Variants in RIT2 observed in about 807,000 individuals in gnomAD.
The protein encoded by RIT2 is GTP-binding protein Rit2.
In RIT2, 24 loss-of-function variants were observed where a neutral mutation model predicts 23.7. The observed-to-expected ratio is 1.01, with a 90% CI of 0.73 to 1.43. The LOEUF (loss-of-function observed/expected upper bound fraction) is 1.43, where lower values mean the gene tolerates loss of function less well. RIT2 is among the 40% of genes most tolerant of loss of function. RIT2 has a pLI of 0.00. For missense variants in RIT2, 236 were observed against 266.9 expected (o/e 0.88, Z 0.81); for synonymous variants, 107 against 91.1 (o/e 1.17, Z -0.99).
intron 3 of RIT2, among the ~76,000 whole-genome samples, chr18:42,941,513 A>G (rs1417998106): frequency 6.6e-6 from 1 of 152,182 alleles, no homozygotes; most frequent in East Asian, 1.9e-4. Flanking sequence ...CAAGGTTAAT[A>G]AATTCCTTAA....
At chr18:42,755,585 C>T (rs1316320142) in intron 4 of RIT2, among the ~76,000 whole-genome samples, 1 of 152,070 alleles carries the variant, frequency 6.6e-6, no homozygotes, top group Non-Finnish European at 1.5e-5. Flanking sequence ...CACTAATTTG[C>T]CTATATGTAT....
intron 4 of RIT2, among the ~76,000 whole-genome samples, chr18:42,914,028 T>C (rs1199562731): frequency 6.6e-6 from 1 of 152,016 alleles, no homozygotes; most frequent in Non-Finnish European, 1.5e-5. Flanking sequence ...CATGTACAGA[T>C]CCTTAACTGT....
At chr18:42,766,231 A>G (rs542546573) in intron 4 of RIT2, among the ~76,000 whole-genome samples, 3 of 152,338 alleles carry the variant, frequency 2.0e-5, no homozygotes, top group East Asian at 3.9e-4. Context: ...AATGTGGGAA[A>G]GTTTGGAACT....
At chr18:43,047,678 A>G (rs535418656) in intron 1 of RIT2, among the ~76,000 whole-genome samples, 2 of 152,182 alleles carry the variant, frequency 1.3e-5, no homozygotes, top group Non-Finnish European at 2.9e-5. Flanking sequence ...AAATGTGAAG[A>G]AAAAGGAAGA....
At chr18:43,094,823 T>G (rs1051521424) in intron 1 of RIT2, among the ~76,000 whole-genome samples, 6 of 152,094 alleles carry the variant, frequency 3.9e-5, no homozygotes, top group Admixed American at 1.3e-4. Context: ...TGGTTTTCTG[T>G]CCTTGTGATA....
intron 4 of RIT2, among the ~76,000 whole-genome samples, chr18:42,758,139 T>C (rs1913208909): frequency 6.6e-6 from 1 of 152,118 alleles, no homozygotes; most frequent in Admixed American, 6.6e-5. Flanking sequence ...CCAGTTCATT[T>C]ACGCTCTTAT....
chr18:42,973,503 T>C (rs1479344520), intron 3 of RIT2, among the ~76,000 whole-genome samples: 2 of 151,930 alleles, frequency 1.3e-5, no homozygotes, highest in Non-Finnish European at 2.9e-5. Context: ...TTTTAAATCT[T>C]ATACCTTTCC....
chr18:42,837,517 T>G (rs1344971797), intron 4 of RIT2, among the ~76,000 whole-genome samples: 1 of 152,162 alleles, frequency 6.6e-6, no homozygotes, highest in Non-Finnish European at 1.5e-5. Context: ...TTTTTCATGC[T>G]GATCATATGC....
intron 4 of RIT2, among the ~76,000 whole-genome samples, chr18:42,888,476 A>G (rs965117898): frequency 6.6e-6 from 1 of 151,974 alleles, no homozygotes; most frequent in Non-Finnish European, 1.5e-5. Flanking sequence ...TCCCAGCAAC[A>G]CTGTATAAGC....
intron 4 of RIT2, among the ~76,000 whole-genome samples, chr18:42,810,135 T>C (rs2143974976): frequency 6.7e-6 from 1 of 149,264 alleles, no homozygotes; most frequent in Admixed American, 6.7e-5. Flanking sequence ...TTAAAAAAAA[T>C]CCCAAAATCC....
At chr18:42,968,852 G>A (rs994590454) in intron 3 of RIT2, among the ~76,000 whole-genome samples, 1 of 152,124 alleles carries the variant, frequency 6.6e-6, no homozygotes, top group African/African-American at 2.4e-5. Flanking sequence ...ACCTGTATTC[G>A]AGTCTAGTGT....
intron 4 of RIT2, among the ~76,000 whole-genome samples, chr18:42,809,929 T>C (rs1448972982): frequency 6.9e-6 from 1 of 144,576 alleles, no homozygotes; most frequent in African/African-American, 2.5e-5. Context: ...TGTATATATG[T>C]TATATATTAA....
At chr18:42,897,133 G>A (rs1001918878) in intron 4 of RIT2, among the ~76,000 whole-genome samples, 1 of 152,212 alleles carries the variant, frequency 6.6e-6, no homozygotes, top group Non-Finnish European at 1.5e-5. Context: ...AGCAATGAAA[G>A]AATGTGTCAT....
intron 4 of RIT2, among the ~76,000 whole-genome samples, chr18:42,815,778 G>A (rs1031516138): frequency 6.6e-6 from 1 of 152,090 alleles, no homozygotes; most frequent in Admixed American, 6.6e-5. Flanking sequence ...CAGGGTATCC[G>A]AGGCAATCAG....
chr18:42,973,220 A>G (rs1225578445), intron 3 of RIT2, among the ~76,000 whole-genome samples: 1 of 151,670 alleles, frequency 6.6e-6, no homozygotes, highest in Non-Finnish European at 1.5e-5. Context: ...ATATTTGCCT[A>G]TTTTAGGACA....
intron 3 of RIT2, among the ~76,000 whole-genome samples, chr18:42,956,712 A>G (rs1294118043): frequency 6.6e-6 from 1 of 151,750 alleles, no homozygotes; most frequent in African/African-American, 2.4e-5. Flanking sequence ...TGTCTCGGTT[A>G]TTACTCTCTT....
intron 4 of RIT2, among the ~76,000 whole-genome samples, chr18:42,839,667 A>G (rs1906710934): frequency 6.6e-6 from 1 of 152,222 alleles, no homozygotes; most frequent in South Asian, 2.1e-4. Context: ...TCAATTATGT[A>G]GCATCTACCA....
intron 4 of RIT2, among the ~76,000 whole-genome samples, chr18:42,914,316 CT>C (rs1908846758): frequency 6.6e-6 from 1 of 152,046 alleles, no homozygotes; most frequent in African/African-American, 2.4e-5. Context: ...GAATTAAAAG[CT>C]TATGTTCCAC....
intron 4 of RIT2, among the ~76,000 whole-genome samples, chr18:42,766,947 T>C (rs1452235165): frequency 6.6e-6 from 1 of 152,158 alleles, no homozygotes; most frequent in Non-Finnish European, 1.5e-5. Flanking sequence ...AAGTCAATAA[T>C]TTAGGTTTGG....
Sources: allele counts gnomAD v4.1 joint callset (sites outside exome capture counted in the v4.1 genomes callset), GRCh38; gene constraint gnomAD v4.1.1; transcripts MANE v1.5; gene names NCBI Gene and HGNC (gene_info 2026-07-23, HGNC 2026-07-21).